KDM7A: variants seen among roughly 807,000 people sequenced by gnomAD.
The protein encoded by KDM7A is lysine-specific demethylase 7A.
A neutral mutation model predicts 114.8 loss-of-function variants in KDM7A; 28 were observed. That is an observed-to-expected ratio of 0.24 (90% confidence interval 0.18 to 0.33). The LOEUF is 0.33. Ranked by LOEUF, KDM7A falls within the 10% of genes least tolerant of loss-of-function variation. The probability of loss-of-function intolerance (pLI) is 1.00; values close to 1 mark genes in which losing one functional copy is unlikely to be tolerated. For synonymous variants in KDM7A, 423 were observed against 397.8 expected (o/e 1.06, Z -0.75); for missense variants, 942 against 1,142.5 (o/e 0.82, Z 2.53).
Position 140,097,000 on chromosome 7 carries a change from CTTT to C in KDM7A, c.2061_2063del (p.Lys689del), listed in dbSNP as rs1228178126. ...TAAAGTTGGATGTTATTTCTTGTTT[CTTT>C]TCATCACCTGAACTTTCAGACTCTT... On this transcript the variant is annotated inframe_deletion, in exon 16 of 20. Coordinates refer to ENST00000397560, the MANE Select transcript of KDM7A (RefSeq NM_030647.2). 1 of 1,612,494 alleles carries C rather than the reference CTTT, an allele frequency of 6.2e-7. No homozygotes were observed. The highest frequency in any genetic ancestry group is 1.7e-5 in the Admixed American group (1 of 59,950).
intron 2 of KDM7A, among the ~76,000 whole-genome samples, chr7:140,135,971 C>A (rs1012149987): frequency 6.6e-6 from 1 of 150,880 alleles, no homozygotes; most frequent in South Asian, 2.1e-4. Context: ...AGTTTTATTT[C>A]TTTTTTAAGA....
In KDM7A at chr7:140,126,601, T is replaced by C; in HGVS notation, c.888+36A>G. ...ACTGAAAAACTAGGGCTATATGTTT[T>C]TGTCAGTGAGAGAACAAAAAATACC... is the stretch of plus-strand genomic sequence containing the variant. On this transcript the variant is annotated intron_variant, in intron 6 of 19. Transcript: ENST00000397560. The C allele has an allele frequency of 2.9e-6, 4 of 1,396,374 alleles. 1 individual carries two copies. In the South Asian group the frequency reaches 5.8e-5, roughly 20 times the overall value. The allele number at this position is 1,396,374 out of a possible 1,614,324, so 86.5% of individuals were successfully genotyped here. A position where few individuals can be genotyped will look rare whatever the true frequency, so the allele number is the denominator to read the frequency against.
Position 140,171,872 on chromosome 7 carries a change from C to G in KDM7A, c.194+4872G>C, listed in dbSNP as rs549294320. Among the ~76,000 whole-genome samples, 8 of 152,064 alleles carry G rather than the reference C, an allele frequency of 5.3e-5. No individual in the cohort carries two copies. The East Asian group carries it at 1.5e-3, about 29-fold the overall frequency. On this transcript the variant is annotated intron_variant, in intron 1 of 19. Coordinates refer to ENST00000397560, the MANE Select transcript of KDM7A (RefSeq NM_030647.2). Reference sequence around the variant, plus strand: ...ATCCATAGTGTATTCTTTTTTACAGCTTGGTATTCCATTTTATGACTATAC... The same window carrying G: ...ATCCATAGTGTATTCTTTTTTACAGGTTGGTATTCCATTTTATGACTATAC...
At chr7:140,117,507 G>A (rs1294861819) in intron 9 of KDM7A, among the ~76,000 whole-genome samples, 2 of 151,838 alleles carry the variant, frequency 1.3e-5, no homozygotes, top group Non-Finnish European at 2.9e-5. Context: ...GTTTCTCCTA[G>A]CTAACCATAA....
rs867820652 is a variant in KDM7A at position 140,176,225 on chromosome 7, G to C, written c.194+519C>G. Among the ~76,000 whole-genome samples, 4 of 151,244 alleles carry C rather than the reference G, an allele frequency of 2.6e-5. No individual in the cohort carries two copies. The highest frequency in any genetic ancestry group is 5.9e-5 in the Non-Finnish European group (4 of 67,706). On this transcript the variant is annotated intron_variant, in intron 1 of 19. Transcript: ENST00000397560. This position sits in a 1 kb window ranked among gnomAD's most constrained non-coding sequence, Gnocchi z 4.4. ...AAGACGGGGAAGGGGGCGCGACAGGGACCCGCGGCGCGGAGGAGACGCGGG... is the reference window on the plus strand; with the variant it reads ...AAGACGGGGAAGGGGGCGCGACAGGCACCCGCGGCGCGGAGGAGACGCGGG...
intron 5 of KDM7A, 65 bp downstream of exon 5, chr7:140,127,377 T>TA: frequency 7.4e-7 from 1 of 1,343,352 alleles, no homozygotes; most frequent in Non-Finnish European, 1.0e-6. Flanking sequence ...CTAAAATAAA[T>TA]ACATCATTAC....
At chr7:140,102,226 C>T in intron 11 of KDM7A, 66 bp from the exon 12 acceptor site, 2 of 1,132,376 alleles carry the variant, frequency 1.8e-6, no homozygotes. Context: ...ACTAAATAAT[C>T]ATCCATAAAA....
intron 13 of KDM7A, among the ~76,000 whole-genome samples, chr7:140,099,588 T>C (rs1032546956): frequency 3.7e-4 from 56 of 152,224 alleles, no homozygotes; most frequent in African/African-American, 1.3e-3. Context: ...AGGAGGTAAG[T>C]AGTGGGTGAG....
chr7:140,157,789 C>CTT (rs995232146), intron 1 of KDM7A, among the ~76,000 whole-genome samples: 1 of 151,126 alleles, frequency 6.6e-6, no homozygotes, highest in African/African-American at 2.4e-5. Flanking sequence ...CACGGCGAAA[C>CTT]TGTCTCTACT....
intron 11 of KDM7A, 53 bp from the exon 12 acceptor site, chr7:140,102,213 G>A (rs1020560031): frequency 8.2e-6 from 10 of 1,212,302 alleles, no homozygotes; most frequent in Non-Finnish European, 1.1e-5. Flanking sequence ...ACACACATAC[G>A]TGACTAAATA....
chr7:140,091,904 G>T lies in KDM7A; in HGVS notation c.2631C>A (p.Ser877Arg). 1 of 1,613,868 alleles carries T rather than the reference G, an allele frequency of 6.2e-7. No homozygotes were observed. The highest frequency in any genetic ancestry group is 1.7e-4 in the Middle Eastern group (1 of 6,060). ...AAGTTTCACCAACTGGCCTTTCTGG[G>T]CTTAGACTGCCATTACTTATCTGGC... ...GACQISNGSL[S>R]PERPVGETSF... The change falls in exon 19 of 20, where the codon AGC becomes AGA. Residue 877 changes from serine (S) to arginine (R), a missense_variant. Ser to Arg is a moderately radical substitution (Grantham distance 110). Coordinates refer to ENST00000397560, the MANE Select transcript of KDM7A (RefSeq NM_030647.2).
intron 1 of KDM7A, among the ~76,000 whole-genome samples, chr7:140,174,396 G>A (rs999221679): frequency 6.6e-6 from 1 of 151,982 alleles, no homozygotes; most frequent in Non-Finnish European, 1.5e-5. Flanking sequence ...TATTTGTTTT[G>A]GCCTTGCTCT....
chr7:140,170,065 A>T (rs1172632902), intron 1 of KDM7A, among the ~76,000 whole-genome samples: 4 of 152,204 alleles, frequency 2.6e-5, no homozygotes, highest in African/African-American at 9.6e-5. Context: ...ATACTTATTC[A>T]CCTAATAAGT....
At chr7:140,104,953 TC>T (rs1376978049) in intron 11 of KDM7A, among the ~76,000 whole-genome samples, 11 of 152,310 alleles carry the variant, frequency 7.2e-5, no homozygotes, top group African/African-American at 2.2e-4. Flanking sequence ...GTTTGTGTCT[TC>T]TTTTATTTTG....
intron 1 of KDM7A, among the ~76,000 whole-genome samples, chr7:140,166,339 T>C (rs1448886649): frequency 8.2e-6 from 1 of 121,792 alleles, no homozygotes; most frequent in East Asian, 2.0e-4. Context: ...TTTTTCCTTT[T>C]TTTTTTTTTT....
At chr7:140,152,784 A>C (rs551706179) in intron 1 of KDM7A, among the ~76,000 whole-genome samples, 142 of 152,338 alleles carry the variant, frequency 9.3e-4, no homozygotes, top group Middle Eastern at 6.8e-3. Context: ...ATAAAGTGTA[A>C]GAAGGATTTT....
chr7:140,164,082 A>C (rs189545989), intron 1 of KDM7A, among the ~76,000 whole-genome samples: 29 of 152,124 alleles, frequency 1.9e-4, no homozygotes, highest in Non-Finnish European at 3.2e-4. Flanking sequence ...AATCTACACC[A>C]CTCTCCTGTG....
intron 1 of KDM7A, among the ~76,000 whole-genome samples, chr7:140,148,099 G>T (rs11983660): frequency 0.35 from 52,670 of 151,688 alleles, 9,396 homozygotes; most frequent in Middle Eastern, 0.43. Flanking sequence ...AATCAACAGC[G>T]TATTAGCTAC....
At chr7:140,144,103 C>G (rs1198504147) in intron 1 of KDM7A, among the ~76,000 whole-genome samples, 1 of 152,098 alleles carries the variant, frequency 6.6e-6, no homozygotes, top group East Asian at 1.9e-4. Flanking sequence ...TTCACACTTC[C>G]CGACTTCAAA....
Sources: gnomAD v4.1 joint callset for allele counts (sites outside exome capture counted in the v4.1 genomes callset) on GRCh38, gnomAD v4.1.1 for gene constraint, Gnocchi (gnomAD v3.1) non-coding constraint, MANE v1.5 for transcripts, NCBI Gene and HGNC (gene_info 2026-07-23, HGNC 2026-07-21) for gene names.